DBF4: variants seen among roughly 807,000 people sequenced by gnomAD.
The protein encoded by DBF4 is protein DBF4 homolog A.
A neutral mutation model predicts 76.6 loss-of-function variants in DBF4; 25 were observed. That is an observed-to-expected ratio of 0.33 (90% CI 0.24 to 0.46). The LOEUF (loss-of-function observed/expected upper bound fraction) is 0.46, where lower values mean the gene tolerates loss of function less well. Ranked by LOEUF, DBF4 falls within the 20% of genes least tolerant of loss-of-function variation. The pLI, the probability that DBF4 is intolerant of heterozygous loss-of-function variation, is 1.00. For missense variants in DBF4, 638 were observed against 760.8 expected (o/e 0.84, Z 1.90); for synonymous variants, 213 against 258.0 (o/e 0.83, Z 1.67).
rs780250113 is a variant in DBF4, at chr7:87,896,499, A to C, written c.623A>C (p.Gln208Pro). The C allele has an allele frequency of 6.2e-7, 1 of 1,611,584 alleles. No homozygotes were observed. Among genetic ancestry groups the C allele is most frequent in the Non-Finnish European group, 8.5e-7 (1 of 1,178,942 alleles). Residue 208 changes from glutamine to proline, a missense_variant, in exon 7 of 12, where the codon CAA becomes CCA. Coordinates refer to ENST00000265728, the MANE Select transcript of DBF4 (RefSeq NM_006716.4). ...GGCAAAAGAGTTGGTAGTGGTGCACAAAAAACAAGAAGTAAGTATTTTGTG... is the reference window on the plus strand; with the variant it reads ...GGCAAAAGAGTTGGTAGTGGTGCACCAAAAACAAGAAGTAAGTATTTTGTG... ...DGGKRVGSGA[Q>P]KTRTGRLKKP...
chr7:87,896,041 T>G (rs1839630216), intron 6 of DBF4: 1 of 156,666 alleles, frequency 6.4e-6, no homozygotes, highest in Non-Finnish European at 1.4e-5. Context: ...TTCAGGTAGT[T>G]GCTTATTCAG....
Position 87,900,891 on chromosome 7 carries a change from T to G in DBF4, c.924+13T>G. The G allele has an allele frequency of 1.2e-6, 2 of 1,603,106 alleles. No individual in the cohort carries two copies. Among genetic ancestry groups the G allele is most frequent in the Non-Finnish European group, 1.7e-6 (2 of 1,173,060 alleles). On this transcript the variant is annotated intron_variant, in intron 10 of 11. Coordinates refer to ENST00000265728, the MANE Select transcript of DBF4 (RefSeq NM_006716.4). ...AGATCTAGAAACTGTAAATGTGATT[T>G]TATATTTTGGGGGCTTGTTTCGAAA...
chr7:87,882,466 A>G (rs960266769), intron 2 of DBF4, among the ~76,000 whole-genome samples: 2 of 152,206 alleles, frequency 1.3e-5, no homozygotes, highest in Admixed American at 1.3e-4. Flanking sequence ...AAAGTATGAA[A>G]TTGGACTTCA....
At chr7:87,895,280 T>A (rs1327662429) in intron 6 of DBF4, among the ~76,000 whole-genome samples, 1 of 152,220 alleles carries the variant, frequency 6.6e-6, no homozygotes, top group Non-Finnish European at 1.5e-5. Flanking sequence ...ATCTTAAGTG[T>A]GTTTACCTTT....
intron 10 of DBF4, among the ~76,000 whole-genome samples, chr7:87,901,598 TAA>T (rs1839791910): frequency 6.6e-6 from 1 of 152,038 alleles, no homozygotes. Context: ...TTGAAAGAAG[TAA>T]AGACCATTGA....
intron 1 of DBF4, among the ~76,000 whole-genome samples, 157 bp downstream of exon 1, chr7:87,876,935 C>T (rs1395718469): frequency 6.6e-6 from 1 of 152,182 alleles, no homozygotes; most frequent in East Asian, 1.9e-4. Context: ...CAGTGTTTTG[C>T]CTAAGAAGGA....
chr7:87,900,476 A>T (rs979995890), intron 9 of DBF4, 127 bp downstream of exon 9: 1 of 1,142,082 alleles, frequency 8.8e-7, no homozygotes, highest in African/African-American at 1.6e-5. Context: ...TATTCTGATT[A>T]CTTTTATAAG....
intron 6 of DBF4, among the ~76,000 whole-genome samples, chr7:87,895,310 A>G (rs1839607724): frequency 6.6e-6 from 1 of 152,144 alleles, no homozygotes; most frequent in African/African-American, 2.4e-5. Flanking sequence ...GTCTTTTTCT[A>G]ATAATTACAA....
At chr7:87,906,300 G>C (rs972144645) in intron 11 of DBF4, among the ~76,000 whole-genome samples, 2 of 151,278 alleles carry the variant, frequency 1.3e-5, no homozygotes, top group Non-Finnish European at 2.9e-5. Flanking sequence ...AAACATCTTG[G>C]ACTTAAAAGC....
At chr7:87,888,159 G>T (rs1839406985) in intron 6 of DBF4, 100 bp downstream of exon 6, 2 of 1,382,306 alleles carry the variant, frequency 1.4e-6, no homozygotes, top group Non-Finnish European at 1.9e-6. Context: ...CTAGGGGCAA[G>T]CCTGTGTATG....
At chr7:87,887,206 C>G in intron 4 of DBF4, 123 bp from the exon 5 acceptor site, 2 of 817,830 alleles carry the variant, frequency 2.4e-6, no homozygotes, top group South Asian at 1.7e-5. Context: ...TATTGTAACT[C>G]TATAGGGTCT....
rs6952344 is a variant in DBF4 at position 87,906,084 on chromosome 7, A to G, written c.1050-1104A>G. Among the ~76,000 whole-genome samples, 496 of 152,084 alleles carry G rather than the reference A, an allele frequency of 3.3e-3. 3 individuals carry two copies. The highest frequency in any genetic ancestry group is 0.011 in the African/African-American group (467 of 41,482). On this transcript the variant is annotated intron_variant, in intron 11 of 11. Coordinates refer to ENST00000265728, the MANE Select transcript of DBF4 (RefSeq NM_006716.4). ...GAGGCGCAAGAATCACTTGAACCCGAGAAGCAGAGGTTGCAGTGAGCTGAG... is the reference window on the plus strand; with the variant it reads ...GAGGCGCAAGAATCACTTGAACCCGGGAAGCAGAGGTTGCAGTGAGCTGAG...
rs1476338995 is a variant in DBF4 at position 87,907,836 on chromosome 7, G to T, written c.1698G>T (p.Met566Ile). 6.2e-7 allele frequency: 1 copy of T among 1,613,770 alleles called. No homozygotes were observed. The highest frequency in any genetic ancestry group is 2.2e-5 in the East Asian group (1 of 44,874). The change falls in exon 12 of 12, where the codon ATG becomes ATT. Residue 566 changes from methionine (M) to isoleucine (I), a missense_variant. By Grantham distance (10) the Met-to-Ile change is conservative. Transcript: ENST00000265728. Reference sequence around the variant, plus strand: ...CCAATGAATGTGACTTCAAGAATATGGATAGTTTACCTTCTGGTAAAATAC... The same window carrying T: ...CCAATGAATGTGACTTCAAGAATATTGATAGTTTACCTTCTGGTAAAATAC... ...EEPNECDFKNMDSLPSGKIHR... is the reference protein window; with the variant it reads ...EEPNECDFKNIDSLPSGKIHR...
At chr7:87,896,426 T>G (rs941298899) in intron 6 of DBF4, 48 bp from the exon 7 acceptor site, 1 of 1,529,754 alleles carries the variant, frequency 6.5e-7, no homozygotes, top group Admixed American at 1.7e-5. Flanking sequence ...AGTTGCTGTT[T>G]TAACTGTACT....
rs1839977892 is a variant in DBF4 at position 87,908,956 on chromosome 7, G to A, written c.*793G>A. On this transcript the variant is annotated 3_prime_UTR_variant, in exon 12 of 12. Transcript: ENST00000265728. ...TAGCTGGGCATGGCGGCATGCGCCT[G>A]TAGTCCCAGCTACTCCCTCCAGAGG... is the stretch of plus-strand genomic sequence containing the variant. The A allele has an allele frequency of 6.6e-6, 1 of 152,254 alleles. No homozygotes were observed. The highest frequency in any genetic ancestry group is 2.1e-4 in the South Asian group (1 of 4,834). The allele number at this position is 152,254 out of a possible 1,614,324, so 9.4% of individuals were successfully genotyped here. A position where few individuals can be genotyped will look rare whatever the true frequency, so the allele number is the denominator to read the frequency against.
intron 11 of DBF4, among the ~76,000 whole-genome samples, chr7:87,905,305 T>C (rs1397028101): frequency 6.6e-6 from 1 of 152,256 alleles, no homozygotes; most frequent in Non-Finnish European, 1.5e-5. Flanking sequence ...GACTGACGGC[T>C]AGATTTTGCC....
intron 6 of DBF4, chr7:87,888,303 A>G: frequency 1.0e-6 from 1 of 985,136 alleles, no homozygotes; most frequent in Non-Finnish European, 1.2e-6. Flanking sequence ...CTGTTTTGTA[A>G]CAGGTACTTT....
At chr7:87,877,955 G>T in intron 1 of DBF4, 98 bp from the exon 2 acceptor site, 1 of 1,005,148 alleles carries the variant, frequency 9.9e-7, no homozygotes, top group Non-Finnish European at 1.4e-6. Flanking sequence ...AACTGGTAGG[G>T]TTGTAAGGAT....
chr7:87,902,364 G>C, intron 10 of DBF4, among the ~76,000 whole-genome samples: 1 of 151,954 alleles, frequency 6.6e-6, no homozygotes, highest in East Asian at 1.9e-4. Flanking sequence ...AATTCCACTT[G>C]TATCAAGGGA....
Sources: allele counts gnomAD v4.1 joint callset (sites outside exome capture counted in the v4.1 genomes callset), GRCh38; gene constraint gnomAD v4.1.1; transcripts MANE v1.5; gene names NCBI Gene and HGNC (gene_info 2026-07-23, HGNC 2026-07-21).